Variants in CHRNA3 observed in about 807,000 individuals in gnomAD.
CHRNA3 encodes the protein neuronal acetylcholine receptor subunit alpha-3.
CHRNA3 carries 34 observed loss-of-function variants against 41.9 expected under a neutral mutation model. The ratio of observed to expected loss-of-function variants is 0.81; its 90% CI spans 0.62 to 1.08. CHRNA3 has a LOEUF of 1.08. CHRNA3 is among the 50% of genes least tolerant of loss of function. The pLI, the probability that CHRNA3 is intolerant of heterozygous loss-of-function variation, is 0.00. For missense variants in CHRNA3, 542 were observed against 638.3 expected, an observed-to-expected ratio of 0.85 and a Z score of 1.63; for synonymous variants, 281 against 265.2, an observed-to-expected ratio of 1.06 and a Z score of -0.58.
At chr15:78,615,790 G>T in intron 4 of CHRNA3, among the ~76,000 whole-genome samples, 1 of 146,024 alleles carries the variant, frequency 6.8e-6, no homozygotes. Flanking sequence ...CACCCAGGCT[G>T]GAGTACAGTG....
chr15:78,608,479 G>A (rs981369577), intron 4 of CHRNA3, among the ~76,000 whole-genome samples: 3 of 152,248 alleles, frequency 2.0e-5, no homozygotes, highest in East Asian at 3.8e-4. Flanking sequence ...AGGGTCTGGA[G>A]TGGACCTCTA....
At chr15:78,616,939 A>G in intron 4 of CHRNA3, 85 bp downstream of exon 4, 2 of 837,808 alleles carry the variant, frequency 2.4e-6, no homozygotes, top group Non-Finnish European at 1.9e-6. Flanking sequence ...AAGGCCAAGG[A>G]AGGCCAGGTT....
At chr15:78,599,169 G>A (rs989055280) in intron 5 of CHRNA3, among the ~76,000 whole-genome samples, 5 of 151,988 alleles carry the variant, frequency 3.3e-5, no homozygotes, top group Admixed American at 3.3e-4. Context: ...GTAGAGAAAG[G>A]GTTTCCCTAC....
intron 4 of CHRNA3, among the ~76,000 whole-genome samples, chr15:78,616,184 C>T (rs939365348): frequency 6.6e-6 from 1 of 151,772 alleles, no homozygotes; most frequent in Non-Finnish European, 1.5e-5. Context: ...AAAACCCCAT[C>T]TCTACTGAAA....
rs200918569 is a variant in CHRNA3, at chr15:78,598,398, CT to C, written c.1390-1667del. Among the ~76,000 whole-genome samples, 2,004 of 144,318 alleles carry C rather than the reference CT, an allele frequency of 0.014. 132 individuals are homozygous for C. In the East Asian group the frequency reaches 0.24, roughly 18 times the overall value. The allele number at this position is 144,318 out of a possible 152,430, so 94.7% of individuals were successfully genotyped here. On this transcript the variant is annotated intron_variant, in intron 5 of 5. Transcript: ENST00000326828. ...AGCTGGCTGGACAGAAATTTTATAT[CT>C]TTTTTTTTTTTTTGAGACAGGGTCT...
At position 78,618,843 on chromosome 15, in the gene CHRNA3, G is replaced by A; in HGVS notation, c.155C>T (p.Pro52Leu). ...GACTGGGTCAGACACGTTGGCTACA[G>A]GCCGGATGATCTCATTGTAATCTTC... ...LFEDYNEIIR[P>L]VANVSDPVII... Residue 52 changes from proline to leucine, a missense_variant, in exon 2 of 6, where the codon CCT (proline) becomes CTT (leucine). Physicochemically the swap from Pro to Leu is moderately conservative, Grantham distance 98. Transcript: ENST00000326828. 6.2e-7 allele frequency: 1 copy of A among 1,614,012 alleles called. No homozygotes were observed. The highest frequency in any genetic ancestry group is 8.5e-7 in the Non-Finnish European group (1 of 1,179,918).
chr15:78,593,780 C>G (rs938958872), downstream of CHRNA3: 15 of 152,170 alleles, frequency 9.9e-5, no homozygotes, highest in Admixed American at 9.2e-4. Context: ...GTGGCTCACA[C>G]CTGTAATCCC....
chr15:78,609,579 C>A (rs185108893), intron 4 of CHRNA3, among the ~76,000 whole-genome samples: 2 of 152,062 alleles, frequency 1.3e-5, no homozygotes, highest in Non-Finnish European at 1.5e-5. Flanking sequence ...CTGAAGGAAG[C>A]GCTAAACATG....
intron 4 of CHRNA3, among the ~76,000 whole-genome samples, chr15:78,614,295 A>G (rs77438700): frequency 0.044 from 6,682 of 152,298 alleles, 190 homozygotes; most frequent in Middle Eastern, 0.065. Context: ...CACCCTGCCC[A>G]GTTCCCTTAA....
intron 1 of CHRNA3, among the ~76,000 whole-genome samples, chr15:78,619,437 T>G (rs2053515961): frequency 6.6e-6 from 1 of 152,098 alleles, no homozygotes; most frequent in South Asian, 2.1e-4. Context: ...GCTTCCACGA[T>G]GGAAAGATGG....
At chr15:78,593,236 G>A, downstream of CHRNA3, 3 of 1,609,832 alleles carry the variant, frequency 1.9e-6, no homozygotes, top group Non-Finnish European at 2.5e-6. Context: ...AGTTCATATT[G>A]GAAATGCAAA....
Position 78,596,107 on chromosome 15 carries a change from G to C in CHRNA3, c.*497C>G, listed in dbSNP as rs199707098. 7 of 985,222 alleles carry C rather than the reference G, an allele frequency of 7.1e-6. No homozygotes were observed. In the African/African-American group the frequency reaches 1.2e-4, roughly 17 times the overall value. 61.0% of individuals were successfully genotyped at this position (985,222 alleles called of 1,614,324 possible). ...GAAGTAGTTGAAGCTCTCTGAAATG[G>C]AGGCATAGCCCTTTAGACCCAGTAA... is the stretch of plus-strand genomic sequence containing the variant. On this transcript the variant is annotated 3_prime_UTR_variant, in exon 6 of 6. Coordinates refer to ENST00000326828, the MANE Select transcript of CHRNA3 (RefSeq NM_000743.5).
Position 78,620,901 on chromosome 15 carries a change from C to A in CHRNA3, c.-107G>T. The A allele has an allele frequency of 8.0e-7, 1 of 1,246,900 alleles. No homozygotes were observed. Among genetic ancestry groups the A allele is most frequent in the Non-Finnish European group, 1.0e-6 (1 of 996,182 alleles). 77.2% of individuals were successfully genotyped at this position (1,246,900 alleles called of 1,614,324 possible). On this transcript the variant is annotated 5_prime_UTR_variant, in exon 1 of 6. Coordinates refer to ENST00000326828, the MANE Select transcript of CHRNA3 (RefSeq NM_000743.5). ...TCCAGCGCAGACCCCAGACCTGGAG[C>A]CGTGCGGGCGGAGACGCGCGGGGCT...
chr15:78,615,206 C>T (rs959574682), intron 4 of CHRNA3, among the ~76,000 whole-genome samples: 3 of 152,210 alleles, frequency 2.0e-5, no homozygotes, highest in Non-Finnish European at 4.4e-5. Context: ...GCTTCACATA[C>T]TTGGGGGGCT....
intron 5 of CHRNA3, 74 bp from the exon 6 acceptor site, chr15:78,596,806 G>GTAA (rs1281798224): frequency 2.6e-6 from 4 of 1,528,176 alleles, no homozygotes; most frequent in Non-Finnish European, 3.5e-6. Flanking sequence ...TACTGAAGAT[G>GTAA]TAATCAACAC....
chr15:78,616,350 T>TGGGGGGGGGCCCC, intron 4 of CHRNA3, among the ~76,000 whole-genome samples: 1 of 109,156 alleles, frequency 9.2e-6, no homozygotes, highest in South Asian at 3.4e-4. Flanking sequence ...GACTCAGTCT[T>TGGGGGGGGGCCCC]CCCCCCCCCA....
chr15:78,601,775 C>T lies in CHRNA3; in HGVS notation c.867G>A (p.Val289=), dbSNP rs755771457. 4.8e-5 allele frequency: 78 copies of T among 1,613,996 alleles called. 1 individual carries two copies. The highest frequency in any genetic ancestry group is 6.4e-5 in the Non-Finnish European group (76 of 1,180,036). Residue 289 remains valine, a synonymous_variant, in exon 5 of 6, where the codon GTG becomes GTA. Coordinates refer to ENST00000326828, the MANE Select transcript of CHRNA3 (RefSeq NM_000743.5). ...VLLSLTVFLL[V]ITETIPSTSL... ...AGGTGGAAGGGATGGTCTCAGTGAT[C>T]ACCAGGAGAAACACCGTCAGGGAGA...
chr15:78,609,862 C>G (rs1193278782), intron 4 of CHRNA3, among the ~76,000 whole-genome samples: 1 of 151,732 alleles, frequency 6.6e-6, no homozygotes, highest in Non-Finnish European at 1.5e-5. Context: ...CACATAGGCT[C>G]AAAATAAAGG....
intron 5 of CHRNA3, among the ~76,000 whole-genome samples, chr15:78,598,885 G>A (rs1025226742): frequency 6.8e-6 from 1 of 146,228 alleles, no homozygotes; most frequent in African/African-American, 2.6e-5. Context: ...CTAGGCTGGA[G>A]TCCAGTGGTG....
Sources: allele counts gnomAD v4.1 joint callset (sites outside exome capture counted in the v4.1 genomes callset), GRCh38; gene constraint gnomAD v4.1.1; transcripts MANE v1.5; gene names NCBI Gene and HGNC (gene_info 2026-07-23, HGNC 2026-07-21).